The following DCLK1 variants were observed in gnomAD, a reference collection of about 807,000 sequenced individuals.
The protein encoded by DCLK1 is doublecortin like kinase 1.
DCLK1 carries 16 observed loss-of-function variants against 86.2 expected under a neutral mutation model. That is an observed-to-expected ratio of 0.19 (90% CI 0.13 to 0.28). DCLK1 has a LOEUF of 0.28. Ranked by LOEUF, DCLK1 falls within the 10% of genes least tolerant of loss-of-function variation. DCLK1 has a pLI of 1.00. For missense variants in DCLK1, 590 were observed against 940.2 expected (o/e 0.63, Z 4.87); for synonymous variants, 369 against 370.5 (o/e 1.00, Z 0.05).
intron 3 of DCLK1, among the ~76,000 whole-genome samples, chr13:36,076,593 T>C (rs893201612): frequency 7.9e-5 from 12 of 152,232 alleles, no homozygotes; most frequent in African/African-American, 2.9e-4. Context: ...TTGTTTTCCC[T>C]GGCAGAATAT....
intron 4 of DCLK1, among the ~76,000 whole-genome samples, chr13:35,927,741 C>T (rs967175635): frequency 2.0e-5 from 3 of 152,166 alleles, no homozygotes; most frequent in African/African-American, 7.2e-5. Flanking sequence ...GCCAATCACA[C>T]CAGAAAGGTC....
chr13:36,076,827 C>G lies in DCLK1; in HGVS notation c.723+35042G>C, dbSNP rs144634011. 1.4e-4 allele frequency among the ~76,000 whole-genome samples: 22 copies of G among 152,200 alleles called. No individual in the cohort carries two copies. In the East Asian group the frequency reaches 4.2e-3, roughly 29 times the overall value. On this transcript the variant is annotated intron_variant, in intron 3 of 16. Transcript: ENST00000360631. ...CCTCTGTCTTCTACATAACGCTTTC[C>G]CAAATGTTTGAAGATGGACATTCTG...
In DCLK1 at chr13:35,911,838, T is replaced by C. The variant is rs553955143; in HGVS notation, c.823+35520A>G. On this transcript the variant is annotated intron_variant, in intron 4 of 16. Transcript: ENST00000360631. ...AGAGAGCTGATTGGATAAAACAGCA[T>C]CTGGCCCCAGCAGTGGGCTGATTGT... Among the ~76,000 whole-genome samples, 7 of 152,238 alleles carry C rather than the reference T, an allele frequency of 4.6e-5. 1 individual carries two copies. Among genetic ancestry groups the C allele is most frequent in the African/African-American group, 1.4e-4 (6 of 41,552 alleles).
chr13:36,035,523 A>T (rs1882457288), intron 3 of DCLK1, among the ~76,000 whole-genome samples: 1 of 152,172 alleles, frequency 6.6e-6, no homozygotes, highest in South Asian at 2.1e-4. Context: ...TATTTATTTA[A>T]CATCCAGTCT....
chr13:35,985,262 G>T (rs1407968638), intron 3 of DCLK1, among the ~76,000 whole-genome samples: 1 of 152,146 alleles, frequency 6.6e-6, no homozygotes, highest in Non-Finnish European at 1.5e-5. Context: ...TGGAAACAAT[G>T]CCTCCTGTGA....
intron 2 of DCLK1, among the ~76,000 whole-genome samples, chr13:36,121,500 G>A (rs1018135671): frequency 1.3e-5 from 2 of 152,194 alleles, no homozygotes; most frequent in South Asian, 4.1e-4. Context: ...AGGATGTTTT[G>A]AGAGAGACGC....
At chr13:35,940,851 C>T (rs1442559200) in intron 4 of DCLK1, among the ~76,000 whole-genome samples, 1 of 152,202 alleles carries the variant, frequency 6.6e-6, no homozygotes, top group Non-Finnish European at 1.5e-5. Context: ...TTGATGTCAT[C>T]TGCCTCCAAT....
chr13:36,020,114 G>A (rs548558957), intron 3 of DCLK1, among the ~76,000 whole-genome samples: 30 of 152,208 alleles, frequency 2.0e-4, no homozygotes, highest in African/African-American at 5.1e-4. Flanking sequence ...CTTTTGCCAC[G>A]ATTGGACACA....
At chr13:36,045,370 A>ATCTATATATC (rs1184419239) in intron 3 of DCLK1, among the ~76,000 whole-genome samples, 4 of 133,172 alleles carry the variant, frequency 3.0e-5, no homozygotes, top group Non-Finnish European at 6.4e-5. Context: ...ATATATATAT[A>ATCTATATATC]TATATATTTC....
At chr13:35,930,725 A>C (rs544828178) in intron 4 of DCLK1, among the ~76,000 whole-genome samples, 2 of 152,372 alleles carry the variant, frequency 1.3e-5, no homozygotes, top group East Asian at 3.9e-4. Flanking sequence ...GCAAGCTGAA[A>C]TACAACTCAG....
rs553782391 is a variant in DCLK1, at chr13:35,833,618, T to C, written c.1229+2415A>G. ...AAGACATCGTTATTGTGTCCATTGT[T>C]GTAGACAAATCTTGCCTGTGACAGG... On this transcript the variant is annotated intron_variant, in intron 8 of 16. Coordinates refer to ENST00000360631, the MANE Select transcript of DCLK1 (RefSeq NM_001330071.2). 3.2e-3 allele frequency among the ~76,000 whole-genome samples: 480 copies of C among 152,284 alleles called. 2 individuals are homozygous for C. Among genetic ancestry groups the C allele is most frequent in the South Asian group, 0.01 (50 of 4,820 alleles).
chr13:35,874,955 T>C (rs1032012212), intron 4 of DCLK1, among the ~76,000 whole-genome samples: 8 of 152,214 alleles, frequency 5.3e-5, no homozygotes, highest in Non-Finnish European at 1.2e-4. Flanking sequence ...TGCTTCCTCG[T>C]ACATTTTTAT....
intron 3 of DCLK1, among the ~76,000 whole-genome samples, chr13:35,999,777 T>C (rs1162075560): frequency 6.6e-6 from 1 of 152,144 alleles, no homozygotes; most frequent in Non-Finnish European, 1.5e-5. Flanking sequence ...TTGGAGGAAA[T>C]TGGTAGGAGA....
intron 3 of DCLK1, among the ~76,000 whole-genome samples, chr13:36,068,699 T>C (rs1419593380): frequency 1.3e-5 from 2 of 152,180 alleles, no homozygotes; most frequent in East Asian, 1.9e-4. Flanking sequence ...GACACACAAC[T>C]CAAATTAAAT....
chr13:36,056,908 T>A (rs4943357), intron 3 of DCLK1, among the ~76,000 whole-genome samples: 40,664 of 109,256 alleles, frequency 0.37, 6,828 homozygotes, highest in East Asian at 0.71. Flanking sequence ...AAAAAAAAAA[T>A]ATATATATAT....
chr13:35,879,487 C>T (rs1344857548), intron 4 of DCLK1, among the ~76,000 whole-genome samples: 1 of 152,190 alleles, frequency 6.6e-6, no homozygotes, highest in Non-Finnish European at 1.5e-5. Flanking sequence ...CTTTCCTTTT[C>T]CCTAACAGTC....
At chr13:35,838,065 C>CAAAAAA (rs748395648) in intron 7 of DCLK1, among the ~76,000 whole-genome samples, 191 of 100,308 alleles carry the variant, frequency 1.9e-3, no homozygotes, top group African/African-American at 7.2e-3. Context: ...GACTCCATCT[C>CAAAAAA]AAAAAAAAAA....
Position 35,780,904 on chromosome 13 carries a change from AC to A in DCLK1, c.2059-6206del, listed in dbSNP as rs199934009. ...AACACCAGGCATACATAAATAAAAG[AC>A]AGTGCTTGCCTATTATCAGATTTAT... is the stretch of plus-strand genomic sequence containing the variant. On this transcript the variant is annotated intron_variant, in intron 16 of 16. Transcript: ENST00000360631. 9.5e-3 allele frequency among the ~76,000 whole-genome samples: 1,454 copies of A among 152,360 alleles called. 7 individuals are homozygous for A. The highest frequency in any genetic ancestry group is 0.015 in the Non-Finnish European group (1,029 of 68,038).
intron 3 of DCLK1, among the ~76,000 whole-genome samples, chr13:36,035,774 C>CT (rs1236732542): frequency 1.3e-5 from 2 of 152,062 alleles, no homozygotes. Context: ...TACGTACATA[C>CT]TTTTTTAGGT....
Sources: gnomAD v4.1 joint callset for allele counts (sites outside exome capture counted in the v4.1 genomes callset) on GRCh38, gnomAD v4.1.1 for gene constraint, MANE v1.5 for transcripts, NCBI Gene and HGNC (gene_info 2026-07-23, HGNC 2026-07-21) for gene names.